POLH: variants seen among roughly 807,000 people sequenced by gnomAD.
POLH encodes DNA polymerase eta transcript.
In POLH, 53 loss-of-function variants were observed where a neutral mutation model predicts 73.6. The ratio of observed to expected loss-of-function variants is 0.72; its 90% confidence interval spans 0.58 to 0.91. The LOEUF (loss-of-function observed/expected upper bound fraction) is 0.91, where lower values mean the gene tolerates loss of function less well. Among genes scored for constraint, POLH ranks in the 40% least tolerant of loss-of-function variants. The pLI is 0.00. For missense variants in POLH, 768 were observed against 865.4 expected (o/e 0.89, Z 1.41); for synonymous variants, 292 against 308.5 (o/e 0.95, Z 0.56).
intron 5 of POLH, among the ~76,000 whole-genome samples, chr6:43,599,462 A>G (rs1766486244): frequency 1.3e-5 from 2 of 152,190 alleles, no homozygotes; most frequent in South Asian, 4.1e-4. Flanking sequence ...CCAGGAGCAG[A>G]ATAACTGGTT....
In POLH at chr6:43,582,439, A is replaced by G; in HGVS notation, c.120A>G (p.Lys40=). The G allele has an allele frequency of 6.2e-7, 1 of 1,614,000 alleles. No individual in the cohort carries two copies. The highest frequency in any genetic ancestry group is 8.5e-7 in the Non-Finnish European group (1 of 1,179,868). ...RNKPCAVVQY[K]SWKGGGIIAV... is the part of the protein sequence containing the mutation. ...AACCTTGTGCAGTTGTACAGTACAA[A>G]TCATGGAAGGGTGGTGGGTATGTAT... Residue 40 remains lysine, a synonymous_variant, in exon 2 of 11, where the codon AAA becomes AAG. Transcript: ENST00000372236.
Position 43,597,641 on chromosome 6 carries a change from C to T in POLH, c.491-55C>T, listed in dbSNP as rs1582296955. 4.7e-6 allele frequency: 7 copies of T among 1,488,794 alleles called. No homozygotes were observed. The South Asian group carries it at 6.9e-5, about 15-fold the overall frequency. The allele number at this position is 1,488,794 out of a possible 1,614,324, so 92.2% of individuals were successfully genotyped here. ...CTAAGCATTTCTACATTAGATAGCA[C>T]AATTAAATAAATAATTTTTTAAATG... On this transcript the variant is annotated intron_variant, in intron 4 of 10. Coordinates refer to ENST00000372236, the MANE Select transcript of POLH (RefSeq NM_006502.3).
intron 10 of POLH, 82 bp from the exon 11 acceptor site, chr6:43,613,578 A>AT: frequency 8.8e-7 from 1 of 1,140,838 alleles, no homozygotes; most frequent in South Asian, 1.3e-5. Flanking sequence ...AATAAAACAG[A>AT]TACAATTCAT....
Position 43,588,332 on chromosome 6 carries a change from T to A in POLH, c.490+843T>A, listed in dbSNP as rs370739483. ...CTTGTACCCACAGATACATTTGATA[T>A]ATCTTAGATGTCTGTCTTTCCTTCC... is the stretch of plus-strand genomic sequence containing the variant. On this transcript the variant is annotated intron_variant, in intron 4 of 10. Transcript: ENST00000372236. 9 of 152,412 alleles carry A rather than the reference T, an allele frequency of 5.9e-5. No individual in the cohort carries two copies. In the South Asian group the frequency reaches 8.3e-4, roughly 14 times the overall value. The allele number at this position is 152,412 out of a possible 1,614,324, so 9.4% of individuals were successfully genotyped here.
rs542595870 is a variant in POLH, at chr6:43,576,213, C to A, written c.-232C>A. The A allele has an allele frequency of 2.2e-3, 455 of 209,464 alleles. 9 individuals are homozygous for A. The highest frequency in any genetic ancestry group is 5.6e-4 in the Non-Finnish European group (59 of 105,906). 13.0% of individuals were successfully genotyped at this position (209,464 alleles called of 1,614,324 possible). A position where few individuals can be genotyped will look rare whatever the true frequency, so the allele number is the denominator to read the frequency against. On this transcript the variant is annotated 5_prime_UTR_variant, in exon 1 of 11. Transcript: ENST00000372236. Reference sequence around the variant, plus strand: ...CTGGCGGCTGCATTGCTGGGCGCGCCGCTCTCGTCTGATCCCTGCTGGGGA... The same window carrying A: ...CTGGCGGCTGCATTGCTGGGCGCGCAGCTCTCGTCTGATCCCTGCTGGGGA...
intron 3 of POLH, 67 bp downstream of exon 3, chr6:43,583,208 C>G (rs1380408976): frequency 2.1e-6 from 3 of 1,442,074 alleles, no homozygotes; most frequent in Admixed American, 1.7e-5. Context: ...AGGCTAGGAA[C>G]TGGTGTTTTG....
intron 1 of POLH, among the ~76,000 whole-genome samples, chr6:43,580,674 C>T (rs1220059190): frequency 1.4e-5 from 2 of 141,140 alleles, no homozygotes; most frequent in African/African-American, 5.6e-5. Context: ...GGGCTGACCC[C>T]CCCACCTCCC....
At chr6:43,598,962 C>G (rs1582299740) in intron 5 of POLH, among the ~76,000 whole-genome samples, 2 of 134,578 alleles carry the variant, frequency 1.5e-5, no homozygotes, top group African/African-American at 5.5e-5. Flanking sequence ...TAATGTATTT[C>G]TTCTATTTTC....
intron 9 of POLH, 60 bp downstream of exon 9, chr6:43,605,379 T>G: frequency 1.2e-6 from 1 of 819,404 alleles, no homozygotes. Context: ...CAGCTGCTCT[T>G]TACCTTATGG....
Position 43,614,412 on chromosome 6 carries a change from C to T in POLH, c.1997C>T (p.Pro666Leu), listed in dbSNP as rs751170849. ...GAGTTGCAGAAATCCTTTTTGCAGC[C>T]CCACTCTTCAAACCCCCAGGTTGTT... ...ALELQKSFLQ[P>L]HSSNPQVVSA... is the part of the protein sequence containing the mutation. The change falls in exon 11 of 11, where the codon CCC becomes CTC. Residue 666 changes from proline to leucine, a missense_variant. Coordinates refer to ENST00000372236, the MANE Select transcript of POLH (RefSeq NM_006502.3). 6.8e-6 allele frequency: 11 copies of T among 1,613,974 alleles called. No homozygotes were observed. The highest frequency in any genetic ancestry group is 1.3e-5 in the African/African-American group (1 of 74,898).
Position 43,614,217 on chromosome 6 carries a change from GC to G in POLH, c.1804del (p.Gln602LysfsTer15), listed in dbSNP as rs776498986. ...TPAEMDLAHNSQSMHASSASK... is the reference protein window; with the variant it reads ...TPAEMDLAHNXQSMHASSASK... ...GCAGAGATGGATTTGGCCCACAACA[GC>G]CAAAGCATGCACGCCTCTTCAGCTT... is the stretch of plus-strand genomic sequence containing the variant. On this transcript the variant is annotated frameshift_variant, in exon 11 of 11. Coordinates refer to ENST00000372236, the MANE Select transcript of POLH (RefSeq NM_006502.3). LOFTEE classifies it high-confidence loss of function. 2.5e-6 allele frequency: 4 copies of G among 1,612,186 alleles called. No homozygotes were observed. The South Asian group carries it at 4.4e-5, about 18-fold the overall frequency.
At chr6:43,585,588 A>T (rs187510835) in intron 3 of POLH, among the ~76,000 whole-genome samples, 2 of 151,296 alleles carry the variant, frequency 1.3e-5, no homozygotes, top group Non-Finnish European at 2.9e-5. Context: ...TCACAATATT[A>T]TAAGTATCCT....
chr6:43,593,936 A>G (rs541821821), intron 4 of POLH, among the ~76,000 whole-genome samples: 49 of 151,922 alleles, frequency 3.2e-4, no homozygotes, highest in Admixed American at 1.0e-3. Flanking sequence ...TTTCATGGGC[A>G]TTTAACACCA....
chr6:43,578,270 C>T (rs1763608154), intron 1 of POLH, among the ~76,000 whole-genome samples: 1 of 152,034 alleles, frequency 6.6e-6, no homozygotes, highest in Non-Finnish European at 1.5e-5. Flanking sequence ...GCCTGTAATC[C>T]CAGCTACTCA....
In POLH at chr6:43,618,675, G is replaced by A. The variant is rs1768507146; in HGVS notation, c.*4118G>A. 6.6e-6 allele frequency among the ~76,000 whole-genome samples: 1 copy of A among 151,940 alleles called. No homozygotes were observed. The highest frequency in any genetic ancestry group is 2.4e-5 in the African/African-American group (1 of 41,342). On this transcript the variant is annotated 3_prime_UTR_variant, in exon 11 of 11. Coordinates refer to ENST00000372236, the MANE Select transcript of POLH (RefSeq NM_006502.3). ...GTGACGGAGTTTCTCTCATCGCCCC[G>A]GCTGGAATGCAATGGCACGATCTCG...
Position 43,604,756 on chromosome 6 carries a change from A to G in POLH, c.1008+18A>G. On this transcript the variant is annotated intron_variant, in intron 8 of 10. Transcript: ENST00000372236. ...GGGAACAGGTAAGCTGGCATTCTTG[A>G]CAGAACACTACCTCTTTTAAAGGGG... 1 of 1,613,938 alleles carries G rather than the reference A, an allele frequency of 6.2e-7. No individual in the cohort carries two copies. The highest frequency in any genetic ancestry group is 8.5e-7 in the Non-Finnish European group (1 of 1,179,884).
intron 3 of POLH, among the ~76,000 whole-genome samples, chr6:43,584,235 T>C (rs1460031362): frequency 6.6e-6 from 1 of 152,214 alleles, no homozygotes; most frequent in Non-Finnish European, 1.5e-5. Context: ...AGGTACACTA[T>C]ACTATGTGTT....
In POLH at chr6:43,610,700, T is replaced by A; in HGVS notation, c.1221T>A (p.Asn407Lys). 1 of 1,612,816 alleles carries A rather than the reference T, an allele frequency of 6.2e-7. No individual in the cohort carries two copies. The highest frequency in any genetic ancestry group is 8.5e-7 in the Non-Finnish European group (1 of 1,179,654). Residue 407 changes from asparagine (N) to lysine (K), a missense_variant, in exon 10 of 11, where the codon AAT becomes AAA. Coordinates refer to ENST00000372236, the MANE Select transcript of POLH (RefSeq NM_006502.3). Reference sequence around the variant, plus strand: ...CATTTACTGTCATCAAGAACTGTAATACTTCTGGAATCCAGACAGAATGGT... The same window carrying A: ...CATTTACTGTCATCAAGAACTGTAAAACTTCTGGAATCCAGACAGAATGGT... The part of the protein sequence containing the change: ...HDAFTVIKNC[N>K]TSGIQTEWSP...
At chr6:43,592,107 A>G (rs1317015537) in intron 4 of POLH, among the ~76,000 whole-genome samples, 1 of 152,202 alleles carries the variant, frequency 6.6e-6, no homozygotes, top group Admixed American at 6.5e-5. Context: ...ATGCAGTGCC[A>G]GCATCTTATT....
Sources: gnomAD v4.1 joint callset for allele counts (sites outside exome capture counted in the v4.1 genomes callset) on GRCh38, gnomAD v4.1.1 for gene constraint, MANE v1.5 for transcripts, NCBI Gene and HGNC (gene_info 2026-07-23, HGNC 2026-07-21) for gene names.